Variants in SV2B observed in about 807,000 individuals in gnomAD.
SV2B encodes synaptic vesicle glycoprotein 2B, also known as solute carrier family 22 member B2.
In SV2B, 41 loss-of-function variants were observed where a neutral mutation model predicts 73.9. The observed-to-expected ratio is 0.56, with a 90% confidence interval of 0.43 to 0.72. SV2B has a LOEUF of 0.72. Among genes scored for constraint, SV2B ranks in the 30% least tolerant of loss-of-function variants. The pLI, the probability that SV2B is intolerant of heterozygous loss-of-function variation, is 0.00. For synonymous variants in SV2B, 314 were observed against 314.2 expected (o/e 1.00, Z 0.01); for missense variants, 764 against 857.8 (o/e 0.89, Z 1.37).
rs2141373178 is a variant in SV2B, at chr15:91,197,721, A to G, written c.-391-28152A>G. On this transcript the variant is annotated intron_variant, in intron 1 of 12. Coordinates refer to ENST00000394232, the MANE Select transcript of SV2B (RefSeq NM_001323032.3). The surrounding 1 kb of genome is among the most constrained non-coding windows in gnomAD (Gnocchi z 4.9). ...TATAATGTTGTGCTAAAAAGCAAGG[A>G]TACTTGCTATATAAAGTTTAAAAAA... 6.6e-6 allele frequency among the ~76,000 whole-genome samples: 1 copy of G among 152,298 alleles called. No individual in the cohort carries two copies. Among genetic ancestry groups the G allele is most frequent in the South Asian group, 2.1e-4 (1 of 4,812 alleles).
Position 91,268,716 on chromosome 15 carries a change from C to A in SV2B, c.1373+111C>A. The A allele has an allele frequency of 2.2e-6, 3 of 1,388,058 alleles. No individual in the cohort carries two copies. Among genetic ancestry groups the A allele is most frequent in the Non-Finnish European group, 2.9e-6 (3 of 1,027,720 alleles). The allele number at this position is 1,388,058 out of a possible 1,614,324, so 86.0% of individuals were successfully genotyped here. On this transcript the variant is annotated intron_variant, in intron 9 of 12. Transcript: ENST00000394232. The surrounding 1 kb of genome is among the most constrained non-coding windows in gnomAD (Gnocchi z 4.4). Reference sequence around the variant, plus strand: ...ATCAAATATGGCCGGGAATGAGCGCCAAGGCTGGTGTCATCATCACAACCT... The same window carrying A: ...ATCAAATATGGCCGGGAATGAGCGCAAAGGCTGGTGTCATCATCACAACCT...
At chr15:91,155,636 G>A (rs767314458) in intron 1 of SV2B, among the ~76,000 whole-genome samples, 1 of 152,130 alleles carries the variant, frequency 6.6e-6, no homozygotes. Flanking sequence ...GGTCAGGGCT[G>A]GGGACTGATT....
chr15:91,282,910 A>G (rs1261671857), intron 10 of SV2B, among the ~76,000 whole-genome samples: 3 of 152,234 alleles, frequency 2.0e-5, no homozygotes, highest in Non-Finnish European at 4.4e-5. Context: ...CGGAAGTTTA[A>G]TAAGTGTCAT....
rs1194394629 is a variant in SV2B, at chr15:91,124,190, T to C, written c.-392+23827T>C. Among the ~76,000 whole-genome samples the C allele has an allele frequency of 6.6e-6, 1 of 152,214 alleles. No homozygotes were observed. The highest frequency in any genetic ancestry group is 2.4e-5 in the African/African-American group (1 of 41,452). ...TTAAATTATCAAAATTCTATAAGGA[T>C]TTAAATGAATGTTCCAGCCTCAGGG... On this transcript the variant is annotated intron_variant, in intron 1 of 12. Coordinates refer to ENST00000394232, the MANE Select transcript of SV2B (RefSeq NM_001323032.3). This position sits in a 1 kb window ranked among gnomAD's most constrained non-coding sequence, Gnocchi z 4.6.
At chr15:91,175,062 GTGTCCTGTTC>G (rs1345879139) in intron 1 of SV2B, among the ~76,000 whole-genome samples, 4 of 152,170 alleles carry the variant, frequency 2.6e-5, no homozygotes, top group Non-Finnish European at 4.4e-5. Flanking sequence ...CAAATATATA[GTGTCCTGTTC>G]TGGTATAAAT....
intron 1 of SV2B, among the ~76,000 whole-genome samples, chr15:91,127,728 A>G (rs72764720): frequency 0.096 from 14,520 of 151,930 alleles, 800 homozygotes; most frequent in Non-Finnish European, 0.12. Flanking sequence ...AGGAGGAGTG[A>G]GACATGTGGT....
At chr15:91,145,310 G>C (rs938575113) in intron 1 of SV2B, among the ~76,000 whole-genome samples, 1 of 152,132 alleles carries the variant, frequency 6.6e-6, no homozygotes, top group African/African-American at 2.4e-5. Context: ...TTCCTGAAAA[G>C]GATATGACCC....
intron 12 of SV2B, among the ~76,000 whole-genome samples, chr15:91,291,714 G>A (rs992127284): frequency 2.0e-5 from 3 of 152,140 alleles, no homozygotes; most frequent in Non-Finnish European, 2.9e-5. Context: ...TTCCTTGCAT[G>A]GACTCATCAT....
intron 1 of SV2B, among the ~76,000 whole-genome samples, chr15:91,194,959 G>A (rs73505197): frequency 0.033 from 4,941 of 152,022 alleles, 255 homozygotes; most frequent in African/African-American, 0.11. Flanking sequence ...ATGATGACTG[G>A]CAATATTCAG....
intron 1 of SV2B, among the ~76,000 whole-genome samples, chr15:91,119,684 A>T (rs1032566883): frequency 1.9e-4 from 29 of 152,374 alleles, no homozygotes; most frequent in African/African-American, 7.0e-4. Flanking sequence ...GCATTGTAGA[A>T]AGCTTGTTCT....
In SV2B at chr15:91,239,801, C is replaced by T. The variant is rs1033749590; in HGVS notation, c.452-12018C>T. Among the ~76,000 whole-genome samples, 9 of 152,118 alleles carry T rather than the reference C, an allele frequency of 5.9e-5. No individual in the cohort carries two copies. Among genetic ancestry groups the T allele is most frequent in the South Asian group, 2.1e-4 (1 of 4,822 alleles). ...AAAGTAGGTGGTACCAGAGTTGGTT[C>T]GATGACTCACTGATGTCAGGGCATG... On this transcript the variant is annotated intron_variant, in intron 2 of 12. Coordinates refer to ENST00000394232, the MANE Select transcript of SV2B (RefSeq NM_001323032.3). This position sits in a 1 kb window ranked among gnomAD's most constrained non-coding sequence, Gnocchi z 5.1.
intron 1 of SV2B, among the ~76,000 whole-genome samples, chr15:91,205,476 C>T (rs1279248015): frequency 6.6e-6 from 1 of 151,810 alleles, no homozygotes; most frequent in East Asian, 1.9e-4. Flanking sequence ...AGTGATTTTC[C>T]TGCCTCAGCC....
At chr15:91,131,733 C>T (rs1319967096) in intron 1 of SV2B, among the ~76,000 whole-genome samples, 1 of 152,072 alleles carries the variant, frequency 6.6e-6, no homozygotes, top group African/African-American at 2.4e-5. Flanking sequence ...GAGGCCGAGG[C>T]AGGCGGATCA....
rs1219589174 is a variant in SV2B at position 91,110,176 on chromosome 15, A to G, written c.-392+9813A>G. ...CAGTGTTCATTTGCATGTTTCTCTC[A>G]TGAAATGACCATGAAAACAGAATTG... is the stretch of plus-strand genomic sequence containing the variant. On this transcript the variant is annotated intron_variant, in intron 1 of 12. Transcript: ENST00000394232. The surrounding 1 kb of genome is among the most constrained non-coding windows in gnomAD (Gnocchi z 5.4). 2.0e-5 allele frequency among the ~76,000 whole-genome samples: 3 copies of G among 152,166 alleles called. No homozygotes were observed. Among genetic ancestry groups the G allele is most frequent in the African/African-American group, 7.2e-5 (3 of 41,432 alleles).
intron 1 of SV2B, among the ~76,000 whole-genome samples, chr15:91,108,768 C>T (rs1002310196): frequency 2.0e-5 from 3 of 152,188 alleles, no homozygotes; most frequent in South Asian, 2.1e-4. Context: ...CCAGTTACAT[C>T]GTCAGCAAAG....
chr15:91,167,888 C>T (rs1474533464), intron 1 of SV2B, among the ~76,000 whole-genome samples: 1 of 152,136 alleles, frequency 6.6e-6, no homozygotes, highest in Non-Finnish European at 1.5e-5. Context: ...GTAATCAACT[C>T]AGTAAGTAAG....
At chr15:91,171,502 C>T (rs1433044581) in intron 1 of SV2B, among the ~76,000 whole-genome samples, 1 of 152,182 alleles carries the variant, frequency 6.6e-6, no homozygotes, top group African/African-American at 2.4e-5. Context: ...GTGCAATAGA[C>T]TGCAGTGGAC....
chr15:91,215,946 GT>G (rs1230388707), intron 1 of SV2B, among the ~76,000 whole-genome samples: 2 of 152,026 alleles, frequency 1.3e-5, no homozygotes, highest in South Asian at 2.1e-4. Context: ...TAAAGTATTT[GT>G]TTTTTTCTCC....
intron 4 of SV2B, among the ~76,000 whole-genome samples, chr15:91,254,231 C>CTTTTTT (rs1206575033): frequency 5.7e-4 from 75 of 131,836 alleles, no homozygotes; most frequent in African/African-American, 2.3e-3. Context: ...ATTATTTTCA[C>CTTTTTT]TTCTTTTTTT....
Sources: allele counts gnomAD v4.1 joint callset (sites outside exome capture counted in the v4.1 genomes callset), GRCh38; gene constraint gnomAD v4.1.1; non-coding constraint Gnocchi (gnomAD v3.1); transcripts MANE v1.5; gene names NCBI Gene and HGNC (gene_info 2026-07-23, HGNC 2026-07-21).